CSMD1: variants seen among roughly 807,000 people sequenced by gnomAD.
The protein encoded by CSMD1 is CUB and sushi domain-containing protein 1.
In CSMD1, 213 loss-of-function variants were observed where a neutral mutation model predicts 417.5. The ratio of observed to expected loss-of-function variants is 0.51; its 90% CI spans 0.46 to 0.57. CSMD1 has a LOEUF of 0.57. Ranked by LOEUF, CSMD1 falls within the 20% of genes least tolerant of loss-of-function variation. CSMD1 has a pLI of 0.00. For missense variants in CSMD1, 6,923 were observed against 4,529.7 expected (o/e 1.53, Z -15.17); for synonymous variants, 2,862 against 1,736.8 (o/e 1.65, Z -16.11).
chr8:3,216,848 C>T (rs1268464432), intron 29 of CSMD1, among the ~76,000 whole-genome samples: 1 of 152,254 alleles, frequency 6.6e-6, no homozygotes, highest in Non-Finnish European at 1.5e-5. Context: ...CTTCTATTTC[C>T]CATCATGCCT....
chr8:3,692,029 G>C (rs894058547), intron 7 of CSMD1, among the ~76,000 whole-genome samples: 9 of 152,274 alleles, frequency 5.9e-5, no homozygotes, highest in African/African-American at 2.2e-4. Context: ...ATCATCAGCA[G>C]AGCCGTCACT....
intron 3 of CSMD1, among the ~76,000 whole-genome samples, chr8:4,190,935 C>A (rs531297810): frequency 4.0e-5 from 6 of 148,704 alleles, no homozygotes; most frequent in African/African-American, 1.5e-4. Flanking sequence ...ACGACACAAA[C>A]TGCGGCTCAG....
chr8:4,190,542 G>GTT (rs202088366), intron 3 of CSMD1, among the ~76,000 whole-genome samples: 174 of 98,620 alleles, frequency 1.8e-3, no homozygotes, highest in Middle Eastern at 5.0e-3. Flanking sequence ...ACACATATAA[G>GTT]CTTTTTTTTT....
At chr8:3,997,697 C>G (rs1347375543) in intron 5 of CSMD1, among the ~76,000 whole-genome samples, 1 of 152,130 alleles carries the variant, frequency 6.6e-6, no homozygotes, top group East Asian at 1.9e-4. Flanking sequence ...TTCCCGAGCT[C>G]CAAACACCAG....
chr8:4,803,637 T>C (rs1249325355), intron 1 of CSMD1, among the ~76,000 whole-genome samples: 1 of 152,224 alleles, frequency 6.6e-6, no homozygotes, highest in East Asian at 1.9e-4. Flanking sequence ...TCTTCTATCC[T>C]CCATCCAATA....
intron 1 of CSMD1, among the ~76,000 whole-genome samples, chr8:4,814,390 C>A (rs1585144255): frequency 6.6e-6 from 1 of 152,164 alleles, no homozygotes; most frequent in African/African-American, 2.4e-5. Flanking sequence ...GGATTATAAG[C>A]ATGCACCGCC....
intron 3 of CSMD1, among the ~76,000 whole-genome samples, chr8:4,093,513 G>C (rs997462450): frequency 6.6e-6 from 1 of 152,058 alleles, no homozygotes; most frequent in African/African-American, 2.4e-5. Flanking sequence ...TGATTCAAAG[G>C]AATATAGTGA....
At chr8:3,590,713 G>A (rs1800808302) in intron 8 of CSMD1, among the ~76,000 whole-genome samples, 1 of 152,122 alleles carries the variant, frequency 6.6e-6, no homozygotes, top group Non-Finnish European at 1.5e-5. Context: ...GATTGCAGCT[G>A]GCAAACAGAG....
chr8:3,788,656 T>C (rs1468996330), intron 5 of CSMD1, among the ~76,000 whole-genome samples: 4 of 152,196 alleles, frequency 2.6e-5, no homozygotes, highest in Non-Finnish European at 5.9e-5. Context: ...GGTAGATAAA[T>C]GTAGACAAAA....
At chr8:4,966,550 GTGAC>G (rs1170500507) in intron 1 of CSMD1, among the ~76,000 whole-genome samples, 1 of 152,192 alleles carries the variant, frequency 6.6e-6, no homozygotes, top group Non-Finnish European at 1.5e-5. Flanking sequence ...CCATCTGAGA[GTGAC>G]TGATGTGCAA....
At chr8:4,822,804 C>A (rs1423361628) in intron 1 of CSMD1, among the ~76,000 whole-genome samples, 1 of 151,986 alleles carries the variant, frequency 6.6e-6, no homozygotes, top group African/African-American at 2.4e-5. Context: ...GAAAATATTT[C>A]TTGGTTTGAT....
chr8:4,296,876 T>G (rs928192252), intron 3 of CSMD1, among the ~76,000 whole-genome samples: 1 of 152,080 alleles, frequency 6.6e-6, no homozygotes, highest in Non-Finnish European at 1.5e-5. Flanking sequence ...GACTCCCAAT[T>G]TTTTTAAAAA....
chr8:4,224,949 A>G (rs142501273), intron 3 of CSMD1, among the ~76,000 whole-genome samples: 2 of 152,252 alleles, frequency 1.3e-5, no homozygotes, highest in Non-Finnish European at 2.9e-5. Context: ...CATCACTAAT[A>G]AAATTAAAAA....
At chr8:3,346,208 T>TC (rs1807980141) in intron 22 of CSMD1, among the ~76,000 whole-genome samples, 1 of 152,198 alleles carries the variant, frequency 6.6e-6, no homozygotes, top group African/African-American at 2.4e-5. Context: ...AGCACGTTTT[T>TC]TTAAAAACAA....
rs148504741 is a variant in CSMD1 at position 3,793,080 on chromosome 8, G to T, written c.819-39038C>A. Reference sequence around the variant, plus strand: ...AAAACACCCAAAAGAGTAGAAAGGGGCAATTAACACTTCCAAAAGTGTCTC... The same window carrying T: ...AAAACACCCAAAAGAGTAGAAAGGGTCAATTAACACTTCCAAAAGTGTCTC... On this transcript the variant is annotated intron_variant, in intron 5 of 69. Coordinates refer to ENST00000635120, the MANE Select transcript of CSMD1 (RefSeq NM_033225.6). 3.7e-3 allele frequency among the ~76,000 whole-genome samples: 564 copies of T among 152,272 alleles called. 7 individuals are homozygous for T. Among genetic ancestry groups the T allele is most frequent in the African/African-American group, 0.013 (546 of 41,552 alleles).
intron 4 of CSMD1, among the ~76,000 whole-genome samples, chr8:4,019,003 T>G (rs1228732828): frequency 2.6e-5 from 4 of 152,262 alleles, no homozygotes; most frequent in South Asian, 2.1e-4. Context: ...CCACACTTTC[T>G]TAAAATCTAC....
chr8:4,709,875 A>G (rs973028214), intron 1 of CSMD1, among the ~76,000 whole-genome samples: 1 of 152,226 alleles, frequency 6.6e-6, no homozygotes, highest in Non-Finnish European at 1.5e-5. Context: ...AGTCTCAATG[A>G]ACGTTTAAAG....
chr8:3,811,406 T>C (rs940187059), intron 5 of CSMD1, among the ~76,000 whole-genome samples: 6 of 152,224 alleles, frequency 3.9e-5, no homozygotes, highest in Admixed American at 2.6e-4. Flanking sequence ...GACCATGTAG[T>C]AAGGCATTTG....
chr8:4,282,227 T>G (rs1290786148), intron 3 of CSMD1, among the ~76,000 whole-genome samples: 6 of 152,178 alleles, frequency 3.9e-5, no homozygotes, highest in Non-Finnish European at 1.5e-5. Flanking sequence ...AAACATAAAA[T>G]CTTACAACTG....
Sources: allele counts gnomAD v4.1 joint callset (sites outside exome capture counted in the v4.1 genomes callset), GRCh38; gene constraint gnomAD v4.1.1; transcripts MANE v1.5; gene names NCBI Gene and HGNC (gene_info 2026-07-23, HGNC 2026-07-21).